Variants in PALM2AKAP2 observed in about 807,000 individuals in gnomAD.
PALM2AKAP2 encodes the protein PALM2-AKAP2 fusion protein.
In PALM2AKAP2, 37 loss-of-function variants were observed where a neutral mutation model predicts 71.5. That is an observed-to-expected ratio of 0.52 (90% CI 0.40 to 0.68). The LOEUF is 0.68. PALM2AKAP2 is among the 30% of genes least tolerant of loss of function. PALM2AKAP2 has a pLI of 0.00. For synonymous variants in PALM2AKAP2, 468 were observed against 478.8 expected (o/e 0.98, Z 0.29); for missense variants, 1,224 against 1,191.8 (o/e 1.03, Z -0.40).
chr9:109,867,596 A>G, intron 2 of PALM2AKAP2, 25 bp downstream of exon 2: 1 of 1,605,438 alleles, frequency 6.2e-7, no homozygotes. Flanking sequence ...CCAGGAACCT[A>G]TTCCATTATT....
chr9:109,730,727 A>T (rs778506794), intron 1 of PALM2AKAP2, among the ~76,000 whole-genome samples: 7 of 152,166 alleles, frequency 4.6e-5, no homozygotes, highest in Non-Finnish European at 1.0e-4. Context: ...GTCCTTAAGG[A>T]ATGATAATCA....
At chr9:110,158,261 A>G (rs1464958646) in intron 3 of PALM2AKAP2, among the ~76,000 whole-genome samples, 1 of 152,238 alleles carries the variant, frequency 6.6e-6, no homozygotes, top group Non-Finnish European at 1.5e-5. Flanking sequence ...TTGGTGCTCT[A>G]GGTGTCTGGT....
chr9:110,167,644 G>C (rs1836771165), intron 3 of PALM2AKAP2, among the ~76,000 whole-genome samples: 1 of 152,128 alleles, frequency 6.6e-6, no homozygotes, highest in Non-Finnish European at 1.5e-5. Context: ...GGGGTCTGAA[G>C]TTGCATCAGA....
intron 2 of PALM2AKAP2, among the ~76,000 whole-genome samples, chr9:110,141,076 C>G (rs1359997754): frequency 6.6e-6 from 1 of 152,196 alleles, no homozygotes; most frequent in Non-Finnish European, 1.5e-5. Flanking sequence ...TTATTTCTAG[C>G]ACATAAACAA....
chr9:109,657,338 C>T (rs553709653), intron 1 of PALM2AKAP2, among the ~76,000 whole-genome samples: 2 of 152,314 alleles, frequency 1.3e-5, no homozygotes, highest in Non-Finnish European at 2.9e-5. Context: ...AGAATGTTCA[C>T]ACTTTTCAAA....
intron 4 of PALM2AKAP2, 51 bp downstream of exon 4, chr9:109,923,900 G>A (rs1013023022): frequency 3.4e-6 from 5 of 1,490,492 alleles, no homozygotes; most frequent in African/African-American, 2.9e-5. Context: ...GGGAAGTAGG[G>A]CCTAGCAAAA....
intron 1 of PALM2AKAP2, among the ~76,000 whole-genome samples, chr9:109,842,820 G>A (rs1300398124): frequency 1.3e-5 from 2 of 152,076 alleles, no homozygotes; most frequent in African/African-American, 4.8e-5. Context: ...TTTGCAACCA[G>A]CCTGGGCAAT....
intron 2 of PALM2AKAP2, among the ~76,000 whole-genome samples, chr9:110,151,817 A>T (rs540814890): frequency 6.6e-6 from 1 of 152,348 alleles, no homozygotes; most frequent in African/African-American, 2.4e-5. Flanking sequence ...GTCACATTAT[A>T]CCTGTTCCCT....
chr9:109,995,134 T>C (rs1014426279), intron 6 of PALM2AKAP2, among the ~76,000 whole-genome samples: 1 of 152,124 alleles, frequency 6.6e-6, no homozygotes, highest in African/African-American at 2.4e-5. Context: ...TGAGCTCCCA[T>C]AGGTGACCTG....
Position 109,923,854 on chromosome 9 carries a change from A to G in PALM2AKAP2, c.372+5A>G. ...TCCTTCAAGGACTTTCAGAAGGTGA[A>G]GAAAACCAAAACGATTTCTCAAAGT... On this transcript the variant is annotated splice_donor_5th_base_variant and intron_variant, in intron 4 of 9. Coordinates refer to the PALM2AKAP2 transcript ENST00000302798. 1.3e-6 allele frequency: 2 copies of G among 1,573,020 alleles called. No homozygotes were observed. The highest frequency in any genetic ancestry group is 1.7e-6 in the Non-Finnish European group (2 of 1,166,052).
At chr9:109,677,003 T>A (rs577168464) in intron 1 of PALM2AKAP2, among the ~76,000 whole-genome samples, 1 of 152,132 alleles carries the variant, frequency 6.6e-6, no homozygotes, top group East Asian at 1.9e-4. Flanking sequence ...ATGAGTTGAG[T>A]GCATGAGAGG....
chr9:109,709,705 A>T (rs866071437), intron 1 of PALM2AKAP2, among the ~76,000 whole-genome samples: 2 of 152,174 alleles, frequency 1.3e-5, no homozygotes, highest in Non-Finnish European at 2.9e-5. Context: ...GCCCAGACTG[A>T]TGGACACAGG....
At chr9:109,679,723 T>G (rs183927487) in intron 1 of PALM2AKAP2, among the ~76,000 whole-genome samples, 62 of 152,234 alleles carry the variant, frequency 4.1e-4, no homozygotes, top group African/African-American at 1.4e-3. Context: ...CAATTGGACC[T>G]GCGCTAAAAA....
intron 6 of PALM2AKAP2, among the ~76,000 whole-genome samples, chr9:110,011,012 A>AT (rs59242587): frequency 7.7e-5 from 7 of 90,494 alleles, no homozygotes; most frequent in African/African-American, 1.2e-4. Flanking sequence ...AAAAAAAAAA[A>AT]AAATATATAT....
intron 1 of PALM2AKAP2, among the ~76,000 whole-genome samples, chr9:109,683,199 T>C (rs1474608087): frequency 6.6e-6 from 1 of 152,240 alleles, no homozygotes; most frequent in Non-Finnish European, 1.5e-5. Context: ...CTATGCTTTC[T>C]GTACAGCCTG....
intron 1 of PALM2AKAP2, among the ~76,000 whole-genome samples, chr9:110,107,472 T>C (rs1835145144): frequency 6.6e-6 from 1 of 152,390 alleles, no homozygotes; most frequent in Non-Finnish European, 1.5e-5. Context: ...AATAGTTTTC[T>C]TTCTAAACAA....
intron 6 of PALM2AKAP2, among the ~76,000 whole-genome samples, chr9:110,012,080 A>G (rs1305072806): frequency 1.3e-5 from 2 of 152,166 alleles, no homozygotes; most frequent in African/African-American, 4.8e-5. Flanking sequence ...GGATCACTTG[A>G]GGTCAGGAGT....
At position 109,864,900 on chromosome 9, in the gene PALM2AKAP2, T is replaced by C. The variant is rs971495745; in HGVS notation, c.46-2591T>C. Among the ~76,000 whole-genome samples the C allele has an allele frequency of 5.3e-5, 8 of 152,078 alleles. No individual in the cohort carries two copies. The East Asian group carries it at 1.4e-3, about 26-fold the overall frequency. ...ATTGTCCATGCAATAAAATCTAAAC[T>C]TCATGGCCCTCCATGGTATAGTCCT... On this transcript the variant is annotated intron_variant, in intron 1 of 9. Transcript: ENST00000302798.
At chr9:110,123,971 A>T (rs1252043034) in intron 1 of PALM2AKAP2, among the ~76,000 whole-genome samples, 1 of 152,226 alleles carries the variant, frequency 6.6e-6, no homozygotes. Flanking sequence ...CATTCCAATT[A>T]TTCCACAGGG....
Sources: allele counts gnomAD v4.1 joint callset (sites outside exome capture counted in the v4.1 genomes callset), GRCh38; gene constraint gnomAD v4.1.1; transcripts MANE v1.5; gene names NCBI Gene and HGNC (gene_info 2026-07-23, HGNC 2026-07-21).